Variants in CSGALNACT1 observed in about 807,000 individuals in gnomAD.
The protein encoded by CSGALNACT1 is beta4GalNAcT-1.
A neutral mutation model predicts 51.0 loss-of-function variants in CSGALNACT1; 52 were observed. That is an observed-to-expected ratio of 1.02 (90% CI 0.82 to 1.29). The LOEUF (loss-of-function observed/expected upper bound fraction) is 1.29, where lower values mean the gene tolerates loss of function less well. CSGALNACT1 is among the 50% of genes most tolerant of loss of function. CSGALNACT1 has a pLI of 0.00. For missense variants in CSGALNACT1, 935 were observed against 679.2 expected (o/e 1.38, Z -4.19); for synonymous variants, 341 against 254.4 (o/e 1.34, Z -3.24).
Position 19,637,113 on chromosome 8 carries a change from G to A in CSGALNACT1, c.-543-35248C>T, listed in dbSNP as rs1257295202. On this transcript the variant is annotated intron_variant, in intron 1 of 9. Coordinates refer to the CSGALNACT1 transcript ENST00000332246. ...CTTTACTACTCAGGAGGCTGAGGCA[G>A]GAGAATCGCTTGAACCCAGGAGGCA... 3.3e-5 allele frequency among the ~76,000 whole-genome samples: 5 copies of A among 152,176 alleles called. No homozygotes were observed. In the South Asian group the frequency reaches 1.0e-3, roughly 32 times the overall value.
chr8:19,632,418 G>A (rs1291633335), intron 1 of CSGALNACT1, among the ~76,000 whole-genome samples: 1 of 152,242 alleles, frequency 6.6e-6, no homozygotes, highest in Non-Finnish European at 1.5e-5. Flanking sequence ...ATAATTAGGT[G>A]GCAAAGATGC....
chr8:19,594,499 G>C (rs933363973), intron 2 of CSGALNACT1, among the ~76,000 whole-genome samples: 1 of 152,148 alleles, frequency 6.6e-6, no homozygotes, highest in Non-Finnish European at 1.5e-5. Context: ...ATTTACCAAA[G>C]AAAGAACTCA....
chr8:19,486,168 C>T (rs187074995), intron 4 of CSGALNACT1, among the ~76,000 whole-genome samples: 1 of 152,076 alleles, frequency 6.6e-6, no homozygotes, highest in East Asian at 1.9e-4. Flanking sequence ...GCTTCTATGA[C>T]TTGTGTTTTT....
At chr8:19,560,703 A>G (rs1411426718) in intron 3 of CSGALNACT1, among the ~76,000 whole-genome samples, 1 of 152,240 alleles carries the variant, frequency 6.6e-6, no homozygotes, top group Admixed American at 6.5e-5. Flanking sequence ...GCAACAAAAC[A>G]AAGTATGACA....
intron 4 of CSGALNACT1, among the ~76,000 whole-genome samples, chr8:19,459,196 G>C (rs917526127): frequency 6.6e-6 from 1 of 151,944 alleles, no homozygotes; most frequent in African/African-American, 2.4e-5. Context: ...GAACAGCCTG[G>C]TCACTATGGT....
At chr8:19,417,528 G>A (rs982653997) in intron 8 of CSGALNACT1, among the ~76,000 whole-genome samples, 5 of 152,194 alleles carry the variant, frequency 3.3e-5, no homozygotes, top group African/African-American at 1.2e-4. Flanking sequence ...ATGGGTTTTG[G>A]ATGGAAATCA....
chr8:19,601,416 A>G (rs545083197), intron 2 of CSGALNACT1, among the ~76,000 whole-genome samples: 19 of 152,320 alleles, frequency 1.2e-4, no homozygotes, highest in East Asian at 5.8e-4. Flanking sequence ...CCAATTTCCA[A>G]TGGGAGAACA....
At chr8:19,420,698 A>C (rs1160071016) in intron 6 of CSGALNACT1, among the ~76,000 whole-genome samples, 180 bp from the exon 6 acceptor site, 2 of 152,228 alleles carry the variant, frequency 1.3e-5, no homozygotes, top group African/African-American at 2.4e-5. Flanking sequence ...CTGGGATCGA[A>C]GGTACCAAGA....
chr8:19,700,391 A>T (rs532652414), intron 1 of CSGALNACT1, among the ~76,000 whole-genome samples: 1 of 152,266 alleles, frequency 6.6e-6, no homozygotes, highest in Non-Finnish European at 1.5e-5. Context: ...TGGCCCAGTG[A>T]TCTTTCCTAT....
chr8:19,515,489 G>C lies in CSGALNACT1; in HGVS notation c.-296-9359C>G, dbSNP rs145764508. 3.7e-3 allele frequency among the ~76,000 whole-genome samples: 568 copies of C among 152,214 alleles called. 8 individuals are homozygous for C. Among genetic ancestry groups the C allele is most frequent in the South Asian group, 0.028 (134 of 4,816 alleles). ...GGATCCTCCATCCCCTCAACTCCTC[G>C]TTGGTCTTTTAAAAGAATTCTCAAT... On this transcript the variant is annotated intron_variant, in intron 3 of 9. Coordinates refer to ENST00000454498, the Ensembl canonical transcript of CSGALNACT1.
intron 3 of CSGALNACT1, among the ~76,000 whole-genome samples, chr8:19,510,094 T>C (rs1243568332): frequency 6.6e-6 from 1 of 152,194 alleles, no homozygotes; most frequent in Admixed American, 6.5e-5. Flanking sequence ...ATCAGGTTTC[T>C]TGACACTGCC....
At chr8:19,554,340 T>C (rs770010830) in intron 3 of CSGALNACT1, among the ~76,000 whole-genome samples, 5 of 152,270 alleles carry the variant, frequency 3.3e-5, no homozygotes, top group Admixed American at 1.3e-4. Context: ...GTTATCATTT[T>C]TGGTACCTGG....
intron 4 of CSGALNACT1, among the ~76,000 whole-genome samples, chr8:19,471,312 A>G (rs899914641): frequency 1.3e-5 from 2 of 152,256 alleles, no homozygotes; most frequent in East Asian, 1.9e-4. Flanking sequence ...CATGGGGAAG[A>G]GGCGAGCCTA....
chr8:19,454,476 G>C (rs777268190), intron 5 of CSGALNACT1, among the ~76,000 whole-genome samples: 26 of 152,214 alleles, frequency 1.7e-4, no homozygotes, highest in Non-Finnish European at 2.9e-4. Context: ...TTTGAGACCA[G>C]CCTGACCAAC....
intron 3 of CSGALNACT1, among the ~76,000 whole-genome samples, chr8:19,509,835 A>T (rs2078113409): frequency 6.6e-6 from 1 of 152,098 alleles, no homozygotes; most frequent in Admixed American, 6.5e-5. Context: ...ATTACCAAGC[A>T]CTACTAGAAG....
intron 4 of CSGALNACT1, among the ~76,000 whole-genome samples, chr8:19,496,380 A>G (rs1010247073): frequency 2.6e-5 from 4 of 152,192 alleles, no homozygotes; most frequent in African/African-American, 7.2e-5. Context: ...ATGAGTAAAA[A>G]CAACACACCT....
At chr8:19,682,185 A>G (rs753774758) in intron 1 of CSGALNACT1, among the ~76,000 whole-genome samples, 14 of 152,004 alleles carry the variant, frequency 9.2e-5, no homozygotes, top group Non-Finnish European at 1.8e-4. Flanking sequence ...TTGACTTAGA[A>G]CTTGGAAACA....
chr8:19,512,478 G>C (rs1288699283), intron 3 of CSGALNACT1, among the ~76,000 whole-genome samples: 2 of 152,306 alleles, frequency 1.3e-5, no homozygotes, highest in East Asian at 1.9e-4. Flanking sequence ...CATTCCAACA[G>C]ATAGATAACT....
At chr8:19,617,723 A>C (rs1444121959) in intron 1 of CSGALNACT1, among the ~76,000 whole-genome samples, 1 of 152,222 alleles carries the variant, frequency 6.6e-6, no homozygotes, top group Non-Finnish European at 1.5e-5. Flanking sequence ...TCATTGAATT[A>C]CTTTGCATTC....
Sources: allele counts gnomAD v4.1 joint callset (sites outside exome capture counted in the v4.1 genomes callset), GRCh38; gene constraint gnomAD v4.1.1; transcripts MANE v1.5; gene names NCBI Gene and HGNC (gene_info 2026-07-23, HGNC 2026-07-21).